Variants in TAFA4 observed in about 807,000 individuals in gnomAD.
TAFA4 encodes the protein chemokine-like protein TAFA-4.
A neutral mutation model predicts 21.1 loss-of-function variants in TAFA4; 20 were observed. The observed-to-expected ratio is 0.95, with a 90% confidence interval of 0.67 to 1.38. TAFA4 has a LOEUF of 1.38. Ranked by LOEUF, TAFA4 falls within the 40% of genes most tolerant of loss-of-function variation. The pLI is 0.00. For synonymous variants in TAFA4, 71 were observed against 67.4 expected (o/e 1.05, Z -0.26); for missense variants, 211 against 180.9 (o/e 1.17, Z -0.95).
chr3:68,809,840 G>A (rs761146825), intron 3 of TAFA4, among the ~76,000 whole-genome samples: 4 of 152,152 alleles, frequency 2.6e-5, no homozygotes, highest in Non-Finnish European at 4.4e-5. Context: ...TTGGCATTGT[G>A]TTTTGGCACC....
At position 68,836,661 on chromosome 3, in the gene TAFA4, G is replaced by A. The variant is rs367697545; in HGVS notation, c.130+44069C>T. 9.9e-5 allele frequency among the ~76,000 whole-genome samples: 15 copies of A among 152,198 alleles called. No homozygotes were observed. In the South Asian group the frequency reaches 1.2e-3, roughly 13 times the overall value. The stretch of plus-strand genomic sequence containing the variant: ...CCAGAGAGAACTAAACATAAAAATC[G>A]TTGTTCTCATGGAAGTTACATTTCA... On this transcript the variant is annotated intron_variant, in intron 3 of 5. Transcript: ENST00000295569.
At chr3:68,808,195 C>G (rs931704216) in intron 3 of TAFA4, among the ~76,000 whole-genome samples, 1 of 152,074 alleles carries the variant, frequency 6.6e-6, no homozygotes, top group Non-Finnish European at 1.5e-5. Context: ...CACAGGAAAG[C>G]AGAGTCTCAC....
chr3:68,873,374 A>ACACACC (rs1216878409), intron 3 of TAFA4, among the ~76,000 whole-genome samples: 156 of 140,378 alleles, frequency 1.1e-3, no homozygotes, highest in African/African-American at 3.7e-3. Context: ...ACACACACAC[A>ACACACC]CACCCTGGGC....
At chr3:68,749,582 G>T (rs1027452130) in intron 4 of TAFA4, among the ~76,000 whole-genome samples, 1 of 152,200 alleles carries the variant, frequency 6.6e-6, no homozygotes, top group African/African-American at 2.4e-5. Context: ...AAAGAGAGAT[G>T]AAATCAGACA....
chr3:68,836,448 A>G (rs1234413098), intron 3 of TAFA4, among the ~76,000 whole-genome samples: 1 of 152,232 alleles, frequency 6.6e-6, no homozygotes, highest in Admixed American at 6.5e-5. Flanking sequence ...TGTGTGTAGG[A>G]AAGTCTGGCT....
intron 3 of TAFA4, among the ~76,000 whole-genome samples, chr3:68,864,730 C>T (rs1411495292): frequency 1.3e-5 from 2 of 152,028 alleles, no homozygotes; most frequent in African/African-American, 2.4e-5. Flanking sequence ...ACGTGTGGCA[C>T]ATAATGGAAT....
At position 68,865,260 on chromosome 3, in the gene TAFA4, A is replaced by AT. The variant is rs1013107990; in HGVS notation, c.130+15469dup. On this transcript the variant is annotated intron_variant, in intron 3 of 5. Transcript: ENST00000295569. ...TATCACCAGTAATATCCCACAATTT[A>AT]TTTTTTTTTTAATTTTTCTTTAAAC... 7.2e-3 allele frequency among the ~76,000 whole-genome samples: 1,078 copies of AT among 150,292 alleles called. 10 individuals carry two copies. The highest frequency in any genetic ancestry group is 0.025 in the African/African-American group (1,004 of 40,966).
At chr3:68,904,620 G>A (rs908373345) in intron 1 of TAFA4, among the ~76,000 whole-genome samples, 1 of 152,190 alleles carries the variant, frequency 6.6e-6, no homozygotes, top group African/African-American at 2.4e-5. Context: ...CAGAGCCTGG[G>A]ACAAGGACTT....
intron 3 of TAFA4, among the ~76,000 whole-genome samples, chr3:68,814,522 AACAG>A (rs200996604): frequency 0.22 from 33,046 of 151,644 alleles, 4,323 homozygotes; most frequent in East Asian, 0.62. Context: ...ATACACCAAT[AACAG>A]ACAGACAGCC....
intron 4 of TAFA4, among the ~76,000 whole-genome samples, chr3:68,745,533 AAAAT>A: frequency 6.6e-6 from 1 of 152,304 alleles, no homozygotes; most frequent in East Asian, 1.9e-4. Flanking sequence ...AAGAAAGAAA[AAAAT>A]AAAAAGACAG....
chr3:68,788,209 T>C (rs975141969), intron 3 of TAFA4, among the ~76,000 whole-genome samples: 2 of 152,158 alleles, frequency 1.3e-5, no homozygotes, highest in African/African-American at 4.8e-5. Context: ...CCAGCCTCAA[T>C]CATCTGACTG....
intron 1 of TAFA4, among the ~76,000 whole-genome samples, chr3:68,902,249 C>T (rs538569389): frequency 8.2e-5 from 11 of 134,688 alleles, no homozygotes; most frequent in African/African-American, 2.7e-4. Context: ...AGTCTGCCCT[C>T]TTAACCATCG....
rs151079628 is a variant in TAFA4, at chr3:68,857,446, T to C, written c.130+23284A>G. On this transcript the variant is annotated intron_variant, in intron 3 of 5. Transcript: ENST00000295569. The stretch of plus-strand genomic sequence containing the variant: ...GGAAATAATGTTAGGTGTTAGGTAA[T>C]GAGGACCAATGGATGGCAACTTTTG... Among the ~76,000 whole-genome samples, 384 of 152,224 alleles carry C rather than the reference T, an allele frequency of 2.5e-3. 2 individuals carry two copies. Among genetic ancestry groups the C allele is most frequent in the African/African-American group, 9.0e-3 (375 of 41,548 alleles).
At chr3:68,860,125 A>G (rs2089314392) in intron 3 of TAFA4, among the ~76,000 whole-genome samples, 3 of 152,128 alleles carry the variant, frequency 2.0e-5, no homozygotes, top group Admixed American at 2.0e-4. Flanking sequence ...GTAATTGTTT[A>G]TCGACTTCCT....
chr3:68,744,351 C>T (rs1040126682), intron 4 of TAFA4, among the ~76,000 whole-genome samples: 2 of 152,062 alleles, frequency 1.3e-5, no homozygotes, highest in East Asian at 1.9e-4. Flanking sequence ...TAGGGGCTCT[C>T]GAGGAAAATT....
intron 1 of TAFA4, among the ~76,000 whole-genome samples, chr3:68,886,645 C>T (rs6787837): frequency 0.36 from 54,705 of 151,832 alleles, 10,054 homozygotes; most frequent in Middle Eastern, 0.4. Flanking sequence ...AGTAATGCGA[C>T]CTAATAGTTC....
rs951819077 is a variant in TAFA4, at chr3:68,771,407, A to T, written c.131-18389T>A. Among the ~76,000 whole-genome samples the T allele has an allele frequency of 2.6e-5, 4 of 152,178 alleles. No individual in the cohort carries two copies. The South Asian group carries it at 8.3e-4, about 32-fold the overall frequency. The stretch of plus-strand genomic sequence containing the variant: ...ACTGCCATGGGACTGGAGCCCAAAA[A>T]GTGCTCCCCATGGCCTCTGTATCTG... On this transcript the variant is annotated intron_variant, in intron 3 of 5. Coordinates refer to ENST00000295569, the MANE Select transcript of TAFA4 (RefSeq NM_182522.5).
intron 1 of TAFA4, among the ~76,000 whole-genome samples, chr3:68,894,574 A>G (rs1238582526): frequency 6.6e-6 from 1 of 152,238 alleles, no homozygotes; most frequent in East Asian, 1.9e-4. Context: ...ATACTGGGAC[A>G]TGCTGGGGGA....
intron 1 of TAFA4, among the ~76,000 whole-genome samples, chr3:68,896,490 T>G (rs1308909865): frequency 6.6e-6 from 1 of 152,226 alleles, no homozygotes; most frequent in Non-Finnish European, 1.5e-5. Flanking sequence ...AATGAATGAA[T>G]GCTTGAGTAA....
Sources: allele counts gnomAD v4.1 joint callset (sites outside exome capture counted in the v4.1 genomes callset), GRCh38; gene constraint gnomAD v4.1.1; transcripts MANE v1.5; gene names NCBI Gene and HGNC (gene_info 2026-07-23, HGNC 2026-07-21).